MORC4: variants seen among roughly 807,000 people sequenced by gnomAD.
MORC4 encodes the protein MORC family CW-type zinc finger protein 4.
Under a neutral mutation model 65.5 loss-of-function variants are expected in MORC4, and 22 were observed. That is an observed-to-expected ratio of 0.34 (90% CI 0.24 to 0.48). The LOEUF (loss-of-function observed/expected upper bound fraction) is 0.48, where lower values mean the gene tolerates loss of function less well. Ranked by LOEUF, MORC4 falls within the 20% of genes least tolerant of loss-of-function variation. MORC4 has a pLI of 0.99. For synonymous variants in MORC4, 267 were observed against 255.8 expected (o/e 1.04, Z -0.42); for missense variants, 624 against 703.0 (o/e 0.89, Z 1.27).
intron 9 of MORC4, among the ~76,000 whole-genome samples, chrX:106,969,691 A>G (rs753502051): frequency 1.6e-4 from 18 of 112,335 alleles, no homozygotes; most frequent in Admixed American, 1.6e-3. Flanking sequence ...AGAGAATACT[A>G]TAAACACCTC....
chrX:106,953,013 C>A (rs184050158), intron 14 of MORC4, among the ~76,000 whole-genome samples: 42 of 111,991 alleles, frequency 3.8e-4, no homozygotes, highest in Admixed American at 5.7e-4. Flanking sequence ...CAGCAACTAT[C>A]ACATACCTCT....
intron 3 of MORC4, among the ~76,000 whole-genome samples, chrX:106,991,344 T>A (rs1248128200): frequency 8.9e-6 from 1 of 112,717 alleles, no homozygotes; most frequent in Admixed American, 9.4e-5. Context: ...CCAAGAATCA[T>A]GTCTATCTGG....
intron 14 of MORC4, among the ~76,000 whole-genome samples, chrX:106,951,995 CAAAAAAAAAAAAAAAA>C (rs56864570): frequency 4.4e-4 from 14 of 31,644 alleles, no homozygotes; most frequent in African/African-American, 1.7e-3. Flanking sequence ...GACTCTGCCG[CAAAAAAAAAAAAAAAA>C]AAAAAAAAAA....
chrX:106,982,953 T>C (rs755598142), intron 5 of MORC4, among the ~76,000 whole-genome samples: 41 of 111,866 alleles, frequency 3.7e-4, no homozygotes, highest in Non-Finnish European at 5.5e-4. Context: ...TTTATACAGG[T>C]TGAATATCCC....
chrX:106,967,371 G>A (rs1934401258), intron 9 of MORC4, among the ~76,000 whole-genome samples: 1 of 112,109 alleles, frequency 8.9e-6, no homozygotes, highest in Non-Finnish European at 1.9e-5. Context: ...AACCAGAGCA[G>A]AAAGGCTGAA....
chrX:106,957,095 C>T, intron 11 of MORC4, 91 bp from the exon 12 acceptor site: 1 of 502,980 alleles, frequency 2.0e-6, no homozygotes, highest in Non-Finnish European at 3.3e-6. Flanking sequence ...AGGTTAACAA[C>T]TCTCTAACAT....
chrX:106,999,751 T>TG lies in MORC4; in HGVS notation c.103-3dup. The TG allele has an allele frequency of 9.1e-7, 1 of 1,104,214 alleles. No homozygotes were observed. Among genetic ancestry groups the TG allele is most frequent in the African/African-American group, 1.9e-5 (1 of 51,717 alleles). 91.0% of individuals were successfully genotyped at this position (1,104,214 alleles called of 1,213,427 possible). On this transcript the variant is annotated splice_region_variant and splice_polypyrimidine_tract_variant and intron_variant, in intron 1 of 16. Coordinates refer to ENST00000355610, the MANE Select transcript of MORC4 (RefSeq NM_024657.5). Reference sequence around the variant, plus strand: ...GCTCTGGAGGTAGCGGGGGCTCATCTGGGGGCGAGAGAAGGTCCCGACCCG... The same window carrying TG: ...GCTCTGGAGGTAGCGGGGGCTCATCTGGGGGGCGAGAGAAGGTCCCGACCCG...
At chrX:106,990,018 G>A (rs984427859) in intron 3 of MORC4, among the ~76,000 whole-genome samples, 1 of 106,045 alleles carries the variant, frequency 9.4e-6, no homozygotes, top group Non-Finnish European at 1.9e-5. Context: ...GTAAAACCCC[G>A]TCTCTACTAA....
In MORC4 at chrX:106,976,646, A is replaced by G; in HGVS notation, c.1095T>C (p.Ile365=). 1 of 1,207,362 alleles carries G rather than the reference A, an allele frequency of 8.3e-7. No homozygotes were observed. Among genetic ancestry groups the G allele is most frequent in the Non-Finnish European group, 1.1e-6 (1 of 891,850 alleles). The stretch of plus-strand genomic sequence containing the variant: ...AGGCAGGTTTTAGGAAATTGCACTC[A>G]ATGACTCCAATTACTCCTACACCTT... The part of the protein sequence containing the change: ...RGEGVGVIGV[I]ECNFLKPAYN... The change falls in exon 9 of 17, where the codon ATT becomes ATC. Residue 365 remains isoleucine (I), a synonymous_variant. Coordinates refer to ENST00000355610, the MANE Select transcript of MORC4 (RefSeq NM_024657.5).
At chrX:106,994,089 C>T (rs766158397) in intron 2 of MORC4, among the ~76,000 whole-genome samples, 7 of 112,471 alleles carry the variant, frequency 6.2e-5, no homozygotes, top group South Asian at 7.5e-4. Context: ...CATAGGTTCA[C>T]GATTCCTCCT....
intron 2 of MORC4, among the ~76,000 whole-genome samples, chrX:106,995,207 A>G (rs1464461460): frequency 9.2e-6 from 1 of 108,466 alleles, no homozygotes; most frequent in East Asian, 2.9e-4. Flanking sequence ...AGCTTATTGC[A>G]GTAACCTCCT....
At chrX:106,966,432 G>T (rs1192217591) in intron 9 of MORC4, among the ~76,000 whole-genome samples, 1 of 112,663 alleles carries the variant, frequency 8.9e-6, no homozygotes, top group East Asian at 2.8e-4. Context: ...ATTGGGACTG[G>T]TTGAAGAGTG....
At chrX:106,987,554 A>G (rs141804265) in intron 3 of MORC4, among the ~76,000 whole-genome samples, 3 of 111,682 alleles carry the variant, frequency 2.7e-5, no homozygotes, top group Non-Finnish European at 5.7e-5. Flanking sequence ...AGGACTTCAT[A>G]TATTACAGAT....
At chrX:106,951,995 CAAAAAAAAAAAAA>C (rs56864570) in intron 14 of MORC4, among the ~76,000 whole-genome samples, 4 of 31,668 alleles carry the variant, frequency 1.3e-4, no homozygotes, top group Non-Finnish European at 1.6e-4. Context: ...GACTCTGCCG[CAAAAAAAAAAAAA>C]AAAAAAAAAA....
chrX:106,948,802 T>G (rs1225287651), intron 14 of MORC4, among the ~76,000 whole-genome samples: 4 of 111,625 alleles, frequency 3.6e-5, no homozygotes, highest in African/African-American at 9.7e-5. Flanking sequence ...GTCATCAACT[T>G]TAATTTTCTT....
At chrX:106,977,162 A>T (rs1256880480) in intron 8 of MORC4, among the ~76,000 whole-genome samples, 1 of 112,137 alleles carries the variant, frequency 8.9e-6, no homozygotes, top group East Asian at 2.8e-4. Context: ...GCCACCAAAC[A>T]ACTACTAAAG....
chrX:106,967,044 C>T lies in MORC4; in HGVS notation c.1158-4934G>A, dbSNP rs1432397582. ...CCCGTGTAGCCTGACTGGGAGACACCTCCCAGTAGGGGCCAACAGACATCT... is the reference window on the plus strand; with the variant it reads ...CCCGTGTAGCCTGACTGGGAGACACTTCCCAGTAGGGGCCAACAGACATCT... On this transcript the variant is annotated intron_variant, in intron 9 of 16. Coordinates refer to ENST00000355610, the MANE Select transcript of MORC4 (RefSeq NM_024657.5). Among the ~76,000 whole-genome samples the T allele has an allele frequency of 4.5e-5, 5 of 111,684 alleles. No individual in the cohort carries two copies. The South Asian group carries it at 1.5e-3, about 34-fold the overall frequency.
intron 3 of MORC4, among the ~76,000 whole-genome samples, chrX:106,989,033 G>C (rs1267664607): frequency 8.9e-6 from 1 of 112,431 alleles, no homozygotes; most frequent in Non-Finnish European, 1.9e-5. Context: ...ATCCATGGGT[G>C]CACAAAGGCA....
intron 10 of MORC4, 47 bp from the exon 11 acceptor site, chrX:106,958,511 T>C: frequency 2.7e-6 from 3 of 1,103,059 alleles, no homozygotes; most frequent in African/African-American, 1.8e-5. Flanking sequence ...CTTAGCTCTG[T>C]GCTTTGTCTT....
Sources: gnomAD v4.1 joint callset for allele counts (sites outside exome capture counted in the v4.1 genomes callset) on GRCh38, gnomAD v4.1.1 for gene constraint, MANE v1.5 for transcripts, NCBI Gene and HGNC (gene_info 2026-07-23, HGNC 2026-07-21) for gene names.